Variants in AHI1 observed in about 807,000 individuals in gnomAD.
AHI1 encodes the protein jouberin.
In AHI1, 123 loss-of-function variants were observed where a neutral mutation model predicts 149.3. That is an observed-to-expected ratio of 0.82 (90% CI 0.71 to 0.96). The LOEUF (loss-of-function observed/expected upper bound fraction) is 0.96, where lower values mean the gene tolerates loss of function less well. Ranked by LOEUF, AHI1 falls within the 40% of genes least tolerant of loss-of-function variation. AHI1 has a pLI of 0.00. For missense variants in AHI1, 1,439 were observed against 1,422.7 expected (o/e 1.01, Z -0.18); for synonymous variants, 475 against 459.8 (o/e 1.03, Z -0.42).
At chr6:135,317,543 G>C (rs1786152790) in intron 26 of AHI1, among the ~76,000 whole-genome samples, 1 of 150,986 alleles carries the variant, frequency 6.6e-6, no homozygotes. Context: ...GGCTTTCTTT[G>C]TATGTGTTCC....
At chr6:135,286,245 A>C (rs1781670091) in intron 28 of AHI1, among the ~76,000 whole-genome samples, 1 of 152,252 alleles carries the variant, frequency 6.6e-6, no homozygotes, top group African/African-American at 2.4e-5. Flanking sequence ...CAATTCATAA[A>C]AATCAAGAAC....
chr6:135,444,431 A>G lies in AHI1; in HGVS notation c.1780-1717T>C, dbSNP rs1786831875. On this transcript the variant is annotated intron_variant, in intron 13 of 28. Coordinates refer to ENST00000265602, the MANE Select transcript of AHI1 (RefSeq NM_001134831.2). Reference sequence around the variant, plus strand: ...CTTTTACAAACTCTGGTTTCCAACCAGCTAAGCTTTTGAGTGCCTAATGAA... The same window carrying G: ...CTTTTACAAACTCTGGTTTCCAACCGGCTAAGCTTTTGAGTGCCTAATGAA... Among the ~76,000 whole-genome samples the G allele has an allele frequency of 2.0e-5, 3 of 152,202 alleles. No homozygotes were observed. The South Asian group carries it at 6.2e-4, about 32-fold the overall frequency.
intron 24 of AHI1, among the ~76,000 whole-genome samples, chr6:135,327,736 C>T (rs1457612927): frequency 1.3e-5 from 2 of 152,008 alleles, no homozygotes; most frequent in East Asian, 3.9e-4. Flanking sequence ...GAGGGTCCTT[C>T]CCCCCTCTAC....
At chr6:135,351,136 AAAAAAAAC>A (rs1792043229) in intron 24 of AHI1, among the ~76,000 whole-genome samples, 2 of 144,900 alleles carry the variant, frequency 1.4e-5, no homozygotes, top group African/African-American at 5.7e-5. Context: ...AACAAAAAAC[AAAAAAAAC>A]AAAAAAAAAA....
At chr6:135,358,536 A>C (rs1304899942) in intron 23 of AHI1, among the ~76,000 whole-genome samples, 2 of 152,214 alleles carry the variant, frequency 1.3e-5, no homozygotes, top group South Asian at 2.1e-4. Context: ...AAGGATATGA[A>C]GTTTTTAAAA....
chr6:135,463,048 T>C, intron 8 of AHI1, 77 bp downstream of exon 8: 1 of 1,254,088 alleles, frequency 8.0e-7, no homozygotes. Flanking sequence ...ACCCATCAGT[T>C]TTAAAGGGCT....
At chr6:135,405,126 G>A (rs1780574289) in intron 21 of AHI1, 149 bp from the exon 22 acceptor site, 2 of 655,410 alleles carry the variant, frequency 3.1e-6, no homozygotes, top group African/African-American at 1.8e-5. Context: ...ACTCTGCATT[G>A]TTTCCAATGA....
chr6:135,290,287 G>A (rs547682370), intron 28 of AHI1, 136 bp downstream of exon 28: 13 of 657,366 alleles, frequency 2.0e-5, no homozygotes, highest in Non-Finnish European at 2.5e-5. Flanking sequence ...ATGGCCTCCC[G>A]GTTACAGATC....
At chr6:135,432,618 C>T (rs1300606689) in intron 16 of AHI1, among the ~76,000 whole-genome samples, 2 of 152,094 alleles carry the variant, frequency 1.3e-5, no homozygotes, top group Non-Finnish European at 2.9e-5. Flanking sequence ...TCCCAAAGTG[C>T]TGGGATTACA....
intron 1 of AHI1, 132 bp downstream of exon 1, chr6:135,497,451 C>T: frequency 6.6e-6 from 1 of 152,366 alleles, no homozygotes. Context: ...GGCCCACGCT[C>T]GTCGGTCACT....
At chr6:135,439,861 G>A (rs1786009380) in intron 14 of AHI1, among the ~76,000 whole-genome samples, 1 of 152,020 alleles carries the variant, frequency 6.6e-6, no homozygotes, top group Admixed American at 6.6e-5. Context: ...GGAAAAAGAG[G>A]GACTACTGTA....
chr6:135,404,554 A>G (rs1562684831), intron 22 of AHI1, among the ~76,000 whole-genome samples: 1 of 152,232 alleles, frequency 6.6e-6, no homozygotes, highest in Non-Finnish European at 1.5e-5. Context: ...CAGTACAATA[A>G]ATCATTTATG....
At chr6:135,369,028 G>T (rs1774631055) in intron 23 of AHI1, among the ~76,000 whole-genome samples, 1 of 152,178 alleles carries the variant, frequency 6.6e-6, no homozygotes, top group South Asian at 2.1e-4. Context: ...CCCTCCCCAA[G>T]GACTCCTGCA....
At position 135,442,460 on chromosome 6, in the gene AHI1, G is replaced by A. The variant is rs1364925137; in HGVS notation, c.1912+122C>T. 13 of 1,060,578 alleles carry A rather than the reference G, an allele frequency of 1.2e-5. No individual in the cohort carries two copies. The Admixed American group carries it at 2.2e-4, about 18-fold the overall frequency. 65.7% of individuals were successfully genotyped at this position (1,060,578 alleles called of 1,614,324 possible). On this transcript the variant is annotated intron_variant, in intron 14 of 28. Coordinates refer to ENST00000265602, the MANE Select transcript of AHI1 (RefSeq NM_001134831.2). ...GAACTTTCTTTGTTTGAAGAAATCC[G>A]TTTTCTTTAATTTAGTAGTACAGGG... is the stretch of plus-strand genomic sequence containing the variant.
chr6:135,442,977 G>A (rs548706771), intron 13 of AHI1, among the ~76,000 whole-genome samples: 2 of 152,130 alleles, frequency 1.3e-5, no homozygotes, highest in African/African-American at 4.8e-5. Flanking sequence ...TTCAATATCT[G>A]ATACTCTAAA....
chr6:135,487,812 C>T (rs1794695780), intron 5 of AHI1, among the ~76,000 whole-genome samples: 1 of 152,104 alleles, frequency 6.6e-6, no homozygotes, highest in Non-Finnish European at 1.5e-5. Flanking sequence ...CTCTTCATCC[C>T]TTCCTCTAAG....
chr6:135,361,308 T>G (rs1207558403), intron 23 of AHI1, among the ~76,000 whole-genome samples: 2 of 152,200 alleles, frequency 1.3e-5, no homozygotes. Context: ...GTCAGTATTG[T>G]TGTTTTAAAC....
chr6:135,453,167 T>C (rs1206600741), intron 11 of AHI1, among the ~76,000 whole-genome samples, 174 bp downstream of exon 11: 1 of 152,204 alleles, frequency 6.6e-6, no homozygotes, highest in Non-Finnish European at 1.5e-5. Flanking sequence ...GGGCCATCAA[T>C]AAATATTTAA....
At chr6:135,320,518 T>C (rs1243888668) in intron 25 of AHI1, among the ~76,000 whole-genome samples, 2 of 152,218 alleles carry the variant, frequency 1.3e-5, no homozygotes, top group African/African-American at 4.8e-5. Flanking sequence ...CTCAAACTCT[T>C]GGCGTCAAGT....
Sources: gnomAD v4.1 joint callset for allele counts (sites outside exome capture counted in the v4.1 genomes callset) on GRCh38, gnomAD v4.1.1 for gene constraint, MANE v1.5 for transcripts, NCBI Gene and HGNC (gene_info 2026-07-23, HGNC 2026-07-21) for gene names.